Variants in OPN3 observed in about 807,000 individuals in gnomAD.
OPN3 encodes opsin-3.
OPN3 carries 29 observed loss-of-function variants against 33.8 expected under a neutral mutation model. The observed-to-expected ratio is 0.86, with a 90% CI of 0.64 to 1.17. OPN3 has a LOEUF of 1.17. OPN3 is among the 50% of genes most tolerant of loss of function. OPN3 has a pLI of 0.00. For synonymous variants in OPN3, 216 were observed against 216.1 expected (o/e 1.00, Z 0.00); for missense variants, 437 against 514.1 (o/e 0.85, Z 1.45).
chr1:241,618,068 A>C (rs1023683391), intron 1 of OPN3, among the ~76,000 whole-genome samples: 20 of 151,732 alleles, frequency 1.3e-4, no homozygotes, highest in African/African-American at 3.6e-4. Context: ...GAAATATGAG[A>C]TATTTTCCCC....
intron 1 of OPN3, chr1:241,629,038 TCTCA>T (rs1664512093): frequency 3.3e-5 from 5 of 152,618 alleles, no homozygotes; most frequent in African/African-American, 1.2e-4. Flanking sequence ...CATTTTTGAA[TCTCA>T]CTTTTTTGCA....
rs940893554 is a variant in OPN3 at position 241,639,940 on chromosome 1, G to A, written c.315C>T (p.Asn105=). Residue 105 remains asparagine (N), a synonymous_variant, in exon 1 of 4, where the codon AAC becomes AAT. Transcript: ENST00000366554. ...VTFTFVSCLR[N]GWVWDTVGCV... Reference sequence around the variant, plus strand: ...AGCCCACGGTGTCCCACACCCAGCCGTTCCTCAGGCAGGACACGAAGGTAA... The same window carrying A: ...AGCCCACGGTGTCCCACACCCAGCCATTCCTCAGGCAGGACACGAAGGTAA... 3 of 1,607,872 alleles carry A rather than the reference G, an allele frequency of 1.9e-6. No individual in the cohort carries two copies. The highest frequency in any genetic ancestry group is 1.7e-6 in the Non-Finnish European group (2 of 1,177,508).
intron 2 of OPN3, among the ~76,000 whole-genome samples, chr1:241,599,498 G>A (rs989956806): frequency 1.3e-5 from 2 of 151,766 alleles, no homozygotes; most frequent in Admixed American, 6.6e-5. Context: ...TACCTTTAAA[G>A]GTTTACCTTT....
chr1:241,621,458 G>A (rs1664266865), intron 1 of OPN3, among the ~76,000 whole-genome samples: 1 of 152,168 alleles, frequency 6.6e-6, no homozygotes, highest in African/African-American at 2.4e-5. Flanking sequence ...TGACAAATGT[G>A]AGTTCAATTT....
intron 3 of OPN3, among the ~76,000 whole-genome samples, chr1:241,596,960 G>C (rs1663534839): frequency 6.6e-6 from 1 of 152,036 alleles, no homozygotes; most frequent in African/African-American, 2.4e-5. Context: ...GAGTAGCTGC[G>C]ACTAAGGCAC....
intron 1 of OPN3, chr1:241,634,690 T>C (rs1296629861): frequency 1.2e-6 from 2 of 1,614,004 alleles, no homozygotes; most frequent in Non-Finnish European, 1.7e-6. Flanking sequence ...AGTTTTTAGT[T>C]GCGTTAAGAC....
Position 241,593,236 on chromosome 1 carries a change from T to C in OPN3, c.*1192A>G, listed in dbSNP as rs984796134. On this transcript the variant is annotated 3_prime_UTR_variant, in exon 4 of 4. Transcript: ENST00000366554. ...AATACAAAGCCATTACTTTATTCAA[T>C]TTCAGACCCTCAGAAGCAATTTACT... The C allele has an allele frequency of 5.3e-5, 15 of 285,256 alleles. No homozygotes were observed. The highest frequency in any genetic ancestry group is 8.1e-4 in the Middle Eastern group (1 of 1,234). The allele number at this position is 285,256 out of a possible 1,614,324, so 17.7% of individuals were successfully genotyped here. A position where few individuals can be genotyped will look rare whatever the true frequency, so the allele number is the denominator to read the frequency against.
At chr1:241,635,094 CTTTAACTA>C (rs1376747976) in intron 1 of OPN3, 2 of 1,612,840 alleles carry the variant, frequency 1.2e-6, no homozygotes, top group South Asian at 1.1e-5. Context: ...CTCCTGCCTT[CTTTAACTA>C]TTTGAGAGTA....
At chr1:241,632,299 C>G (rs1198316443) in intron 1 of OPN3, 1 of 152,454 alleles carries the variant, frequency 6.6e-6, no homozygotes, top group Non-Finnish European at 1.5e-5. Flanking sequence ...TCCATTAAAC[C>G]TTTTTCTTTA....
At chr1:241,602,978 T>A (rs585564) in intron 2 of OPN3, among the ~76,000 whole-genome samples, 22,195 of 151,878 alleles carry the variant, frequency 0.15, 2,500 homozygotes, top group African/African-American at 0.29. Context: ...AGTGACAAAA[T>A]GGAGAAAAAT....
intron 1 of OPN3, chr1:241,631,202 T>C (rs1466651534): frequency 6.6e-6 from 1 of 152,152 alleles, no homozygotes; most frequent in Admixed American, 6.5e-5. Context: ...ACTTATTTTG[T>C]ATTAAGAAAT....
chr1:241,633,629 T>A, intron 1 of OPN3: 1 of 713,936 alleles, frequency 1.4e-6, no homozygotes, highest in South Asian at 1.8e-5. Flanking sequence ...CATTGATAGG[T>A]TAACAAAGAT....
Position 241,594,506 on chromosome 1 carries a change from A to T in OPN3, c.1131T>A (p.Ser377Arg). 4.3e-6 allele frequency: 7 copies of T among 1,614,134 alleles called. No individual in the cohort carries two copies. Among genetic ancestry groups the T allele is most frequent in the Non-Finnish European group, 5.9e-6 (7 of 1,179,988 alleles). Residue 377 changes from serine to arginine, a missense_variant, in exon 4 of 4, where the codon AGT becomes AGA. Ser to Arg is a moderately radical substitution (Grantham distance 110). Coordinates refer to ENST00000366554, the MANE Select transcript of OPN3 (RefSeq NM_014322.3). ...TGTCGTCAACTGACAGTGATTCATC[A>T]CTGGTGATGATAAAAATGATGGAAG... ...NSSSIIFIITSDESLSVDDSD... is the reference protein window; with the variant it reads ...NSSSIIFIITRDESLSVDDSD...
intron 3 of OPN3, chr1:241,595,396 G>A (rs896116614): frequency 6.6e-6 from 1 of 152,148 alleles, no homozygotes; most frequent in Non-Finnish European, 1.5e-5. Context: ...GACTGCATAG[G>A]ACAGATCCCA....
intron 1 of OPN3, among the ~76,000 whole-genome samples, chr1:241,612,264 G>C (rs1029543391): frequency 5.9e-5 from 9 of 152,182 alleles, no homozygotes; most frequent in Non-Finnish European, 1.0e-4. Context: ...AGTTGGCTGG[G>C]TGAATGAGCA....
chr1:241,594,724 G>T (rs1463216707), intron 3 of OPN3, 33 bp from the exon 4 acceptor site: 1 of 1,598,130 alleles, frequency 6.3e-7, no homozygotes, highest in Non-Finnish European at 8.5e-7. Flanking sequence ...GGAATATTAA[G>T]TAAAAGTTGG....
chr1:241,597,802 A>C lies in OPN3; in HGVS notation c.889T>G (p.Phe297Val). 6.2e-7 allele frequency: 1 copy of C among 1,614,018 alleles called. No individual in the cohort carries two copies. Among genetic ancestry groups the C allele is most frequent in the Non-Finnish European group, 8.5e-7 (1 of 1,179,980 alleles). The change falls in exon 3 of 4, where the codon TTT (phenylalanine) becomes GTT (valine). Residue 297 changes from phenylalanine to valine, a missense_variant. Transcript: ENST00000366554. ...TPTISIVSYL[F>V]AKSNTVYNPV... The stretch of plus-strand genomic sequence containing the variant: ...TTGTATACAGTGTTCGATTTAGCAA[A>C]GAGGTACGAAACAATAGATATTGTT...
At chr1:241,601,356 AG>A (rs1483158339) in intron 2 of OPN3, among the ~76,000 whole-genome samples, 1 of 142,370 alleles carries the variant, frequency 7.0e-6, no homozygotes, top group African/African-American at 2.5e-5. Context: ...AGGAGAACTA[AG>A]TTTTTTTTTT....
chr1:241,594,455 A>G lies in OPN3; in HGVS notation c.1182T>C (p.Val394=). 3 of 1,613,512 alleles carry G rather than the reference A, an allele frequency of 1.9e-6. No individual in the cohort carries two copies. Among genetic ancestry groups the G allele is most frequent in the Non-Finnish European group, 2.5e-6 (3 of 1,179,522 alleles). ...ACAAAGGACGAACTTGGATTACATCAACTTTGGACCCATTGGTTTTGTCGC... is the reference window on the plus strand; with the variant it reads ...ACAAAGGACGAACTTGGATTACATCGACTTTGGACCCATTGGTTTTGTCGC... ...DDSDKTNGSK[V]DVIQVRPL Residue 394 remains valine (V), a synonymous_variant, in exon 4 of 4, where the codon GTT becomes GTC. Transcript: ENST00000366554.
Sources: allele counts gnomAD v4.1 joint callset (sites outside exome capture counted in the v4.1 genomes callset), GRCh38; gene constraint gnomAD v4.1.1; transcripts MANE v1.5; gene names NCBI Gene and HGNC (gene_info 2026-07-23, HGNC 2026-07-21).